The following LTBP2 variants were observed in gnomAD, a reference collection of about 807,000 sequenced individuals.
LTBP2 encodes latent transforming growth factor beta binding protein 2.
In LTBP2, 103 loss-of-function variants were observed where a neutral mutation model predicts 210.6. That is an observed-to-expected ratio of 0.49 (90% CI 0.42 to 0.58). The LOEUF (loss-of-function observed/expected upper bound fraction) is 0.58. Ranked by LOEUF, LTBP2 falls within the 20% of genes least tolerant of loss-of-function variation. The pLI is 0.00. For missense variants in LTBP2, 2,313 were observed against 2,494.5 expected (o/e 0.93, Z 1.55); for synonymous variants, 1,007 against 1,015.0 (o/e 0.99, Z 0.15).
At chr14:74,610,251 A>G (rs2088586238) in intron 1 of LTBP2, among the ~76,000 whole-genome samples, 1 of 152,216 alleles carries the variant, frequency 6.6e-6, no homozygotes, top group Non-Finnish European at 1.5e-5. Context: ...AAGAAACATA[A>G]AGCAGGGTGA....
At chr14:74,604,164 C>CAAACA (rs1273987376) in intron 1 of LTBP2, among the ~76,000 whole-genome samples, 9 of 72,738 alleles carry the variant, frequency 1.2e-4, no homozygotes, top group African/African-American at 6.7e-4. Context: ...TGCCTCTCAC[C>CAAACA]AAAAAAAAAA....
At chr14:74,581,409 C>T (rs953730135) in intron 3 of LTBP2, among the ~76,000 whole-genome samples, 1 of 152,060 alleles carries the variant, frequency 6.6e-6, no homozygotes, top group African/African-American at 2.4e-5. Flanking sequence ...ACATAGGCCC[C>T]TAAAAGTAGA....
At chr14:74,609,414 C>A (rs997747771) in intron 1 of LTBP2, among the ~76,000 whole-genome samples, 2 of 152,148 alleles carry the variant, frequency 1.3e-5, no homozygotes. Flanking sequence ...TCTAATAGTG[C>A]ACCCTCCAGC....
chr14:74,544,232 C>T (rs1368705603), intron 8 of LTBP2, among the ~76,000 whole-genome samples: 1 of 152,202 alleles, frequency 6.6e-6, no homozygotes. Flanking sequence ...AGGAGCCCCA[C>T]CCCAGCACAG....
intron 15 of LTBP2, among the ~76,000 whole-genome samples, chr14:74,524,904 C>T (rs907404585): frequency 2.6e-5 from 4 of 152,222 alleles, no homozygotes; most frequent in Non-Finnish European, 5.9e-5. Context: ...TGGGCTTGGG[C>T]AGTGCTCCAG....
chr14:74,569,906 T>C (rs1455480068), intron 3 of LTBP2, among the ~76,000 whole-genome samples: 2 of 152,136 alleles, frequency 1.3e-5, no homozygotes, highest in East Asian at 3.9e-4. Flanking sequence ...AGCTCAGGAC[T>C]GCCAGGCTCT....
intron 26 of LTBP2, 144 bp from the exon 27 acceptor site, chr14:74,506,967 G>C: frequency 1.3e-6 from 2 of 1,541,258 alleles, no homozygotes; most frequent in Non-Finnish European, 1.8e-6. Flanking sequence ...TTAGCACCAA[G>C]ACCTGTGAAA....
At chr14:74,562,137 G>A (rs1293511743) in intron 3 of LTBP2, among the ~76,000 whole-genome samples, 1 of 152,032 alleles carries the variant, frequency 6.6e-6, no homozygotes, top group Admixed American at 6.6e-5. Flanking sequence ...TTGAACCTGG[G>A]AGGTGGAGGT....
At chr14:74,504,664 G>C in intron 30 of LTBP2, 114 bp downstream of exon 30, 2 of 984,098 alleles carry the variant, frequency 2.0e-6, no homozygotes, top group Non-Finnish European at 3.3e-6. Flanking sequence ...AGAAAAGGTG[G>C]AGGCAACCTG....
At chr14:74,507,744 A>G (rs143106633) in intron 25 of LTBP2, among the ~76,000 whole-genome samples, 251 of 152,370 alleles carry the variant, frequency 1.6e-3, no homozygotes, top group African/African-American at 5.9e-3. Flanking sequence ...TGTCTATTGA[A>G]TCAATTTGGC....
intron 2 of LTBP2, among the ~76,000 whole-genome samples, chr14:74,594,578 G>C (rs1566653344): frequency 6.6e-6 from 1 of 152,208 alleles, no homozygotes; most frequent in East Asian, 1.9e-4. Flanking sequence ...AGACGGGACA[G>C]TTTGCACCTC....
At position 74,522,925 on chromosome 14, in the gene LTBP2, G is replaced by A. The variant is rs992058421; in HGVS notation, c.2531-7C>T. The A allele has an allele frequency of 6.2e-7, 1 of 1,610,884 alleles. No homozygotes were observed. The highest frequency in any genetic ancestry group is 1.3e-5 in the African/African-American group (1 of 75,054). On this transcript the variant is annotated splice_region_variant and splice_polypyrimidine_tract_variant and intron_variant, in intron 15 of 35. Transcript: ENST00000261978. ...GCAGCGCATCTGTCAATGCCTGTGG[G>A]AGACAGAGCAAAACAGAGGTTATGG... is the stretch of plus-strand genomic sequence containing the variant.
Position 74,506,522 on chromosome 14 carries a change from C to T in LTBP2, c.4033+176G>A, listed in dbSNP as rs115575147. Among the ~76,000 whole-genome samples the T allele has an allele frequency of 1.7e-3, 263 of 152,368 alleles. 1 individual carries two copies. The highest frequency in any genetic ancestry group is 5.5e-3 in the African/African-American group (230 of 41,598). On this transcript the variant is annotated intron_variant, in intron 27 of 35. Coordinates refer to ENST00000261978, the MANE Select transcript of LTBP2 (RefSeq NM_000428.3). The stretch of plus-strand genomic sequence containing the variant: ...GAGCGCGGCTGTGCTTCCCCTTACC[C>T]GCCCGGCCCATGTGCCCCTGGGCGA...
intron 2 of LTBP2, among the ~76,000 whole-genome samples, chr14:74,592,943 T>C (rs551894974): frequency 6.6e-6 from 1 of 152,262 alleles, no homozygotes; most frequent in South Asian, 2.1e-4. Context: ...TCCAGGACCC[T>C]TTCTTTTCCA....
intron 2 of LTBP2, among the ~76,000 whole-genome samples, chr14:74,600,057 G>A (rs1268406638): frequency 1.3e-5 from 2 of 152,234 alleles, no homozygotes; most frequent in South Asian, 2.1e-4. Context: ...AGGGAGGTGC[G>A]GAGCCACAGG....
intron 12 of LTBP2, 32 bp downstream of exon 12, chr14:74,528,451 A>T (rs779079848): frequency 1.9e-6 from 3 of 1,609,884 alleles, no homozygotes; most frequent in Non-Finnish European, 2.5e-6. Context: ...GGGAAAGGAA[A>T]ATCCCTCAGG....
Position 74,511,256 on chromosome 14 carries a change from C to T in LTBP2, c.3017G>A (p.Gly1006Glu). 1.9e-6 allele frequency: 3 copies of T among 1,613,946 alleles called. No homozygotes were observed. The highest frequency in any genetic ancestry group is 1.3e-5 in the African/African-American group (1 of 75,060). ...ACEEGYRGQS[G>E]SCVDVNECLT... ...CCAGCAGCCCTCACCTACACAGCTC[C>T]CACTCTGGCCCCGGTAGCCCTCCTC... The change falls in exon 19 of 36, where the codon GGG becomes GAG. Residue 1006 changes from glycine (G) to glutamate (E), a missense_variant. This residue lies in a region of LTBP2 where 1,867 missense variants were observed against 1,976.9 expected (regional missense o/e 0.94). Transcript: ENST00000261978.
chr14:74,528,815 C>A (rs1015222841), intron 11 of LTBP2, 117 bp from the exon 12 acceptor site: 5 of 1,508,142 alleles, frequency 3.3e-6, no homozygotes, highest in Non-Finnish European at 4.5e-6. Context: ...AGGGAGGGAG[C>A]CCCAGGTTGG....
chr14:74,503,443 G>C (rs748131908), intron 32 of LTBP2, 26 bp downstream of exon 32: 22 of 1,608,698 alleles, frequency 1.4e-5, no homozygotes, highest in Non-Finnish European at 1.9e-5. Context: ...CCCTTCTCCT[G>C]CTCCCCCACG....
Sources: allele counts gnomAD v4.1 joint callset (sites outside exome capture counted in the v4.1 genomes callset), GRCh38; gene constraint gnomAD v4.1.1; regional missense constraint gnomAD v4.1.1; transcripts MANE v1.5; gene names NCBI Gene and HGNC (gene_info 2026-07-23, HGNC 2026-07-21).